Variants in ELL2 observed in about 807,000 individuals in gnomAD.
ELL2 encodes elongation factor for RNA polymerase II 2, also known as RNA polymerase II elongation factor ELL2.
Under a neutral mutation model 72.8 loss-of-function variants are expected in ELL2, and 21 were observed. The ratio of observed to expected loss-of-function variants is 0.29; its 90% CI spans 0.20 to 0.42. The LOEUF is 0.42. Among genes scored for constraint, ELL2 ranks in the 10% least tolerant of loss-of-function variants. ELL2 has a pLI of 1.00. For missense variants in ELL2, 568 were observed against 772.8 expected, an observed-to-expected ratio of 0.73 and a Z score of 3.14; for synonymous variants, 266 against 283.2, an observed-to-expected ratio of 0.94 and a Z score of 0.61.
chr5:95,898,466 A>G lies in ELL2; in HGVS notation c.1299T>C (p.Thr433=). The change falls in exon 8 of 12, where the codon ACT becomes ACC. Residue 433 remains threonine, a synonymous_variant. Coordinates refer to ENST00000237853, the MANE Select transcript of ELL2 (RefSeq NM_012081.6). ...EDQQDKYTSR[T]SLETLPPGSV... Reference sequence around the variant, plus strand: ...AACCAGGGGGTAAGGTTTCCAGAGAAGTCCTAGAGGTATATTTGTCTTGCT... The same window carrying G: ...AACCAGGGGGTAAGGTTTCCAGAGAGGTCCTAGAGGTATATTTGTCTTGCT... The G allele has an allele frequency of 6.2e-7, 1 of 1,613,920 alleles. No individual in the cohort carries two copies. Among genetic ancestry groups the G allele is most frequent in the Middle Eastern group, 1.7e-4 (1 of 5,942 alleles).
Position 95,898,193 on chromosome 5 carries a change from CAA to C in ELL2, c.1525+45_1525+46del, listed in dbSNP as rs749644542. 4.9e-6 allele frequency: 7 copies of C among 1,437,454 alleles called. No homozygotes were observed. In the East Asian group the frequency reaches 1.6e-4, roughly 33 times the overall value. The allele number at this position is 1,437,454 out of a possible 1,614,324, so 89.0% of individuals were successfully genotyped here. A position where few individuals can be genotyped will look rare whatever the true frequency, so the allele number is the denominator to read the frequency against. The stretch of plus-strand genomic sequence containing the variant: ...TTACTAATTATAAACTGTGTAATTT[CAA>C]ACTCATGATAGCATGCACTTCTGGT... On this transcript the variant is annotated intron_variant, in intron 8 of 11. Coordinates refer to ENST00000237853, the MANE Select transcript of ELL2 (RefSeq NM_012081.6).
Position 95,898,359 on chromosome 5 carries a change from T to C in ELL2, c.1406A>G (p.His469Arg), listed in dbSNP as rs769944982. ...CTTTTTTATTTGGTCCTTTTCCTTA[T>C]GTTTTTTAGACTTCTTTTTGGACTT... ...HKKSKKKSKK[H>R]KEKDQIKKHD... The change falls in exon 8 of 12, where the codon CAT becomes CGT. Residue 469 changes from histidine to arginine, a missense_variant. Physicochemically the swap from His to Arg is conservative, Grantham distance 29 (BLOSUM62 0). Coordinates refer to ENST00000237853, the MANE Select transcript of ELL2 (RefSeq NM_012081.6). 2 of 1,613,712 alleles carry C rather than the reference T, an allele frequency of 1.2e-6. No homozygotes were observed. Among genetic ancestry groups the C allele is most frequent in the Non-Finnish European group, 1.7e-6 (2 of 1,179,870 alleles).
chr5:95,920,801 C>T (rs1750040453), intron 2 of ELL2, among the ~76,000 whole-genome samples: 1 of 152,086 alleles, frequency 6.6e-6, no homozygotes, highest in Non-Finnish European at 1.5e-5. Context: ...ATGACTTAAC[C>T]GAACTTCAGC....
rs139720987 is a variant in ELL2 at position 95,943,574 on chromosome 5, G to A, written c.148-525C>T. On this transcript the variant is annotated intron_variant, in intron 1 of 11. Transcript: ENST00000237853. The stretch of plus-strand genomic sequence containing the variant: ...CCTGGTATATTTTTAATAGGGGTGG[G>A]AGGAGGGAAGAGATAATTGGAGGAA... Among the ~76,000 whole-genome samples the A allele has an allele frequency of 2.3e-3, 343 of 152,252 alleles. 3 individuals are homozygous for A. Among genetic ancestry groups the A allele is most frequent in the Middle Eastern group, 0.01 (3 of 294 alleles).
intron 2 of ELL2, among the ~76,000 whole-genome samples, chr5:95,930,270 G>T (rs10043782): frequency 0.05 from 7,548 of 152,198 alleles, 225 homozygotes; most frequent in Non-Finnish European, 0.077. Context: ...CTTGAGCAAC[G>T]TTCTTTTGCA....
Position 95,900,770 on chromosome 5 carries a change from G to T in ELL2, c.877C>A (p.Pro293Thr), listed in dbSNP as rs113894818. ...LESVLSRKLN[P>T]SQNAAGTSRS... is the part of the protein sequence containing the mutation. ...CTGGTGCCTGCAGCATTCTGAGACG[G>T]ATTTAGTTTTCTGTAAAGGACACAC... is the stretch of plus-strand genomic sequence containing the variant. Residue 293 changes from proline (P) to threonine (T), a missense_variant, in exon 7 of 12, where the codon CCG becomes ACG. Pro to Thr is a conservative substitution (Grantham distance 38). Around this residue, in one of 2 missense-constraint regions of ELL2, gnomAD observed 511 missense variants for 728.4 expected, o/e 0.70. Coordinates refer to ENST00000237853, the MANE Select transcript of ELL2 (RefSeq NM_012081.6). 17,287 of 1,606,490 alleles carry T rather than the reference G, an allele frequency of 0.011. 141 individuals are homozygous for T. Among genetic ancestry groups the T allele is most frequent in the Non-Finnish European group, 0.013 (15,309 of 1,177,312 alleles).
chr5:95,929,059 G>C (rs1247855865), intron 2 of ELL2, among the ~76,000 whole-genome samples: 1 of 152,148 alleles, frequency 6.6e-6, no homozygotes, highest in Non-Finnish European at 1.5e-5. Context: ...GTTCAGCTTA[G>C]GAGTCCTTCC....
intron 4 of ELL2, among the ~76,000 whole-genome samples, chr5:95,912,495 G>C (rs1261263766): frequency 6.6e-6 from 1 of 152,148 alleles, no homozygotes; most frequent in Admixed American, 6.5e-5. Context: ...AAGTGTGGTA[G>C]ATCTTGTGTG....
At chr5:95,945,143 A>C (rs922574140) in intron 1 of ELL2, among the ~76,000 whole-genome samples, 1 of 152,144 alleles carries the variant, frequency 6.6e-6, no homozygotes, top group African/African-American at 2.4e-5. Flanking sequence ...GACATTTTGC[A>C]TTAGAAACTC....
rs575168266 is a variant in ELL2 at position 95,912,404 on chromosome 5, AT to A, written c.481+1366del. Among the ~76,000 whole-genome samples the A allele has an allele frequency of 4.5e-4, 69 of 152,306 alleles. No homozygotes were observed. In the South Asian group the frequency reaches 0.014, roughly 31 times the overall value. On this transcript the variant is annotated intron_variant, in intron 4 of 11. Transcript: ENST00000237853. Reference sequence around the variant, plus strand: ...AACACAACAATTTGCCTCACTGTTTATAAAATGGTGGTATTGGGCAGAGGAA... The same window carrying A: ...AACACAACAATTTGCCTCACTGTTTAAAAATGGTGGTATTGGGCAGAGGAA...
intron 1 of ELL2, among the ~76,000 whole-genome samples, chr5:95,954,500 G>A (rs1215353933): frequency 1.1e-4 from 16 of 149,198 alleles, no homozygotes; most frequent in South Asian, 2.1e-4. Context: ...TCTGCCTCCC[G>A]GGTTCACACC....
chr5:95,937,936 A>G (rs1750837445), intron 2 of ELL2, among the ~76,000 whole-genome samples: 1 of 152,146 alleles, frequency 6.6e-6, no homozygotes, highest in Admixed American at 6.5e-5. Flanking sequence ...TTTGCTGTGT[A>G]TTTCAAGCTG....
rs575131589 is a variant in ELL2, at chr5:95,886,514, G to A, written c.*2357C>T. 19 of 152,258 alleles carry A rather than the reference G, an allele frequency of 1.2e-4. No homozygotes were observed. The highest frequency in any genetic ancestry group is 2.6e-4 in the African/African-American group (11 of 41,538). The allele number at this position is 152,258 out of a possible 1,614,324, so 9.4% of individuals were successfully genotyped here. On this transcript the variant is annotated 3_prime_UTR_variant, in exon 12 of 12. Transcript: ENST00000237853. ...GAAGATGTGCTGATGTACAGGGTAG[G>A]AGCTCCAATGGCTAACCATTCACCA...
intron 2 of ELL2, among the ~76,000 whole-genome samples, chr5:95,927,558 C>T (rs540721677): frequency 9.5e-5 from 2 of 21,026 alleles, no homozygotes; most frequent in Admixed American, 6.6e-4. Flanking sequence ...TACACACACA[C>T]GTGTGTATAT....
intron 2 of ELL2, among the ~76,000 whole-genome samples, chr5:95,931,518 C>G (rs1210534574): frequency 6.6e-6 from 1 of 152,048 alleles, no homozygotes; most frequent in Non-Finnish European, 1.5e-5. Flanking sequence ...TATACTCATT[C>G]TGAATCTTCA....
At chr5:95,898,946 C>T in intron 7 of ELL2, 136 bp from the exon 8 acceptor site, 1 of 597,500 alleles carries the variant, frequency 1.7e-6, no homozygotes, top group Non-Finnish European at 2.6e-6. Flanking sequence ...TACACGCTTT[C>T]TTCATGCTTA....
At position 95,961,680 on chromosome 5, in the gene ELL2, G is replaced by T; in HGVS notation, c.42C>A (p.Arg14=). 2 of 1,606,766 alleles carry T rather than the reference G, an allele frequency of 1.2e-6. No individual in the cohort carries two copies. The highest frequency in any genetic ancestry group is 1.7e-6 in the Non-Finnish European group (2 of 1,177,420). The change falls in exon 1 of 12, where the codon CGC becomes CGA. Residue 14 remains arginine, a synonymous_variant. Coordinates refer to ENST00000237853, the MANE Select transcript of ELL2 (RefSeq NM_012081.6). ...GGTGGLREEQ[R]YGLSCGRLGQ... ...CCAGCCGTCCGCACGACAGCCCATA[G>T]CGCTGCTCCTCCCGCAGGCCCCCTG...
chr5:95,889,948 A>G (rs1204210627), intron 10 of ELL2, among the ~76,000 whole-genome samples: 1 of 152,040 alleles, frequency 6.6e-6, no homozygotes, highest in Non-Finnish European at 1.5e-5. Context: ...AGTACCAGGC[A>G]TGGATCCAGG....
chr5:95,950,949 TATATAA>T (rs1266485841), intron 1 of ELL2, among the ~76,000 whole-genome samples: 44 of 109,344 alleles, frequency 4.0e-4, no homozygotes, highest in African/African-American at 1.1e-3. Flanking sequence ...TATATATATA[TATATAA>T]AATCTTCATA....
Sources: allele counts gnomAD v4.1 joint callset (sites outside exome capture counted in the v4.1 genomes callset), GRCh38; gene constraint gnomAD v4.1.1; regional missense constraint gnomAD v4.1.1; transcripts MANE v1.5; gene names NCBI Gene and HGNC (gene_info 2026-07-23, HGNC 2026-07-21).